CNKSR3: variants seen among roughly 807,000 people sequenced by gnomAD.
CNKSR3 encodes connector enhancer of kinase suppressor of ras 3.
In CNKSR3, 36 loss-of-function variants were observed where a neutral mutation model predicts 67.7. That is an observed-to-expected ratio of 0.53 (90% CI 0.41 to 0.70). The LOEUF is 0.70. Ranked by LOEUF, CNKSR3 falls within the 30% of genes least tolerant of loss-of-function variation. The pLI is 0.00. For missense variants in CNKSR3, 630 were observed against 695.2 expected (o/e 0.91, Z 1.05); for synonymous variants, 281 against 271.4 (o/e 1.04, Z -0.35).
rs77464012 is a variant in CNKSR3 at position 154,485,502 on chromosome 6, T to C, written c.52+24561A>G. 5.1e-3 allele frequency among the ~76,000 whole-genome samples: 774 copies of C among 152,338 alleles called. 15 individuals are homozygous for C. The highest frequency in any genetic ancestry group is 0.049 in the East Asian group (254 of 5,186). ...CCTTACAAAAAGTCTCCTTCATCTA[T>C]AAAAGGCAAATCAGGTCAACTTTTA... is the stretch of plus-strand genomic sequence containing the variant. On this transcript the variant is annotated intron_variant, in intron 1 of 12. Transcript: ENST00000607772.
intron 4 of CNKSR3, among the ~76,000 whole-genome samples, chr6:154,439,695 C>T (rs562628428): frequency 2.0e-5 from 3 of 152,198 alleles, no homozygotes; most frequent in African/African-American, 7.2e-5. Context: ...AGTTTGAGAC[C>T]AGCCTGGGTA....
intron 12 of CNKSR3, among the ~76,000 whole-genome samples, chr6:154,409,063 C>T (rs564925434): frequency 1.8e-4 from 27 of 152,198 alleles, no homozygotes; most frequent in Non-Finnish European, 2.9e-4. Context: ...TGGATACTCA[C>T]ACGTTAACTA....
intron 1 of CNKSR3, among the ~76,000 whole-genome samples, chr6:154,507,904 C>T (rs1054318189): frequency 3.9e-5 from 6 of 152,176 alleles, no homozygotes; most frequent in Admixed American, 1.3e-4. Flanking sequence ...ACAAACATAA[C>T]AGGATGTGAT....
At chr6:154,499,793 G>A (rs542781511) in intron 1 of CNKSR3, among the ~76,000 whole-genome samples, 1 of 152,272 alleles carries the variant, frequency 6.6e-6, no homozygotes, top group South Asian at 2.1e-4. Flanking sequence ...TTTGATCCAA[G>A]TAAGAATGAA....
intron 1 of CNKSR3, among the ~76,000 whole-genome samples, chr6:154,484,671 C>T (rs916407987): frequency 1.4e-4 from 20 of 143,226 alleles, no homozygotes; most frequent in Non-Finnish European, 2.5e-4. Context: ...CATTGCACTC[C>T]AGCCTGGGCA....
At chr6:154,500,528 T>A (rs1000318684) in intron 1 of CNKSR3, among the ~76,000 whole-genome samples, 4 of 152,144 alleles carry the variant, frequency 2.6e-5, no homozygotes, top group African/African-American at 9.7e-5. Flanking sequence ...TCCAGGTTAT[T>A]TTATTATCAG....
intron 1 of CNKSR3, among the ~76,000 whole-genome samples, chr6:154,502,388 G>A (rs191183989): frequency 0.04 from 6,023 of 151,148 alleles, 126 homozygotes; most frequent in Non-Finnish European, 0.044. Context: ...GTAGAGACGG[G>A]GTTTCACCAT....
chr6:154,414,815 G>T, intron 9 of CNKSR3: 1 of 479,204 alleles, frequency 2.1e-6, no homozygotes, highest in Non-Finnish European at 4.3e-6. Flanking sequence ...TAGCAAGGCT[G>T]GGCACGGCGG....
chr6:154,457,177 T>C (rs1357738372), intron 1 of CNKSR3, among the ~76,000 whole-genome samples: 1 of 152,110 alleles, frequency 6.6e-6, no homozygotes, highest in African/African-American at 2.4e-5. Flanking sequence ...TTGGCTTCTA[T>C]GTGAGCGTAG....
chr6:154,468,537 C>T (rs1786258134), intron 1 of CNKSR3, among the ~76,000 whole-genome samples: 1 of 151,622 alleles, frequency 6.6e-6, no homozygotes, highest in Admixed American at 6.6e-5. Flanking sequence ...TTGAAATTAC[C>T]GACTCTATTA....
rs1784686300 is a variant in CNKSR3 at position 154,398,753 on chromosome 6, A to G, written c.*7601T>C. ...AAGGAAGTGGAAGGGATTTAATAGA[A>G]AAGATATGATGATGACAAATCAAGT... On this transcript the variant is annotated 3_prime_UTR_variant, in exon 13 of 13. Transcript: ENST00000607772. 1 of 152,314 alleles carries G rather than the reference A, an allele frequency of 6.6e-6. No individual in the cohort carries two copies. Among genetic ancestry groups the G allele is most frequent in the East Asian group, 1.9e-4 (1 of 5,184 alleles). The allele number at this position is 152,314 out of a possible 1,614,324, so 9.4% of individuals were successfully genotyped here.
intron 1 of CNKSR3, among the ~76,000 whole-genome samples, chr6:154,479,028 G>A (rs1213674865): frequency 6.6e-6 from 1 of 151,884 alleles, no homozygotes; most frequent in Admixed American, 6.6e-5. Context: ...AGGACAAATT[G>A]TTTAAAAAGG....
At chr6:154,449,628 A>G (rs952318908) in intron 2 of CNKSR3, among the ~76,000 whole-genome samples, 1 of 152,260 alleles carries the variant, frequency 6.6e-6, no homozygotes, top group African/African-American at 2.4e-5. Flanking sequence ...CCTCGCCAGA[A>G]GGTGACATTT....
chr6:154,505,110 A>T (rs937910598), intron 1 of CNKSR3, among the ~76,000 whole-genome samples: 2 of 151,520 alleles, frequency 1.3e-5, no homozygotes, highest in African/African-American at 4.8e-5. Flanking sequence ...GAGAAGGTAT[A>T]ACCTAAACTG....
rs974092903 is a variant in CNKSR3, at chr6:154,397,879, G to A, written c.*8475C>T. Reference sequence around the variant, plus strand: ...ATCACTAGGTGCACAGTGCAGTGGGGGTGTGTGAGATGCACAGGGCAGACA... The same window carrying A: ...ATCACTAGGTGCACAGTGCAGTGGGAGTGTGTGAGATGCACAGGGCAGACA... On this transcript the variant is annotated 3_prime_UTR_variant, in exon 13 of 13. Transcript: ENST00000607772. The A allele has an allele frequency of 6.6e-6, 1 of 152,158 alleles. No individual in the cohort carries two copies. Among genetic ancestry groups the A allele is most frequent in the African/African-American group, 2.4e-5 (1 of 41,438 alleles). The allele number at this position is 152,158 out of a possible 1,614,324, so 9.4% of individuals were successfully genotyped here. A position where few individuals can be genotyped will look rare whatever the true frequency, so the allele number is the denominator to read the frequency against.
In CNKSR3 at chr6:154,494,356, C is replaced by T. The variant is rs558737237; in HGVS notation, c.52+15707G>A. 1.3e-3 allele frequency among the ~76,000 whole-genome samples: 205 copies of T among 152,236 alleles called. 1 individual carries two copies. Among genetic ancestry groups the T allele is most frequent in the Non-Finnish European group, 2.4e-3 (161 of 68,000 alleles). On this transcript the variant is annotated intron_variant, in intron 1 of 12. Coordinates refer to ENST00000607772, the MANE Select transcript of CNKSR3 (RefSeq NM_173515.4). ...CTGTCCCCATGATTCAATAACCTCT[C>T]ACCAGGGCCCTCCCATGACACGTGG...
rs1251330498 is a variant in CNKSR3, at chr6:154,430,565, G to A, written c.576C>T (p.Asp192=). The change falls in exon 6 of 13, where the codon GAC becomes GAT. Residue 192 remains aspartate, a synonymous_variant. Transcript: ENST00000607772. ...GATCTGTGGTAGATCGGATTGTTTT[G>A]TCACAGATGCCATTTAAAACCTTGA... The part of the protein sequence containing the change: ...TVVKVLNGIC[D]KTIRSTTDPV... 6.2e-7 allele frequency: 1 copy of A among 1,611,320 alleles called. No homozygotes were observed. Among genetic ancestry groups the A allele is most frequent in the Admixed American group, 1.7e-5 (1 of 59,380 alleles).
chr6:154,492,754 A>C (rs1786805506), intron 1 of CNKSR3, among the ~76,000 whole-genome samples: 1 of 150,800 alleles, frequency 6.6e-6, no homozygotes, highest in Non-Finnish European at 1.5e-5. Flanking sequence ...TCAAAAAAAA[A>C]AAAACAAAAA....
chr6:154,415,366 G>T (rs2128712471), intron 9 of CNKSR3, among the ~76,000 whole-genome samples: 1 of 151,706 alleles, frequency 6.6e-6, no homozygotes, highest in South Asian at 2.1e-4. Flanking sequence ...AAGTAGCTGG[G>T]ATTACAGGTG....
Sources: allele counts gnomAD v4.1 joint callset (sites outside exome capture counted in the v4.1 genomes callset), GRCh38; gene constraint gnomAD v4.1.1; transcripts MANE v1.5; gene names NCBI Gene and HGNC (gene_info 2026-07-23, HGNC 2026-07-21).